Variants in DPYD observed in about 807,000 individuals in gnomAD.
DPYD encodes dihydropyrimidine dehydrogenase [NADP(+)].
Under a neutral mutation model 116.2 loss-of-function variants are expected in DPYD, and 109 were observed. The observed-to-expected ratio is 0.94, with a 90% CI of 0.80 to 1.10. DPYD has a LOEUF of 1.10. Ranked by LOEUF, DPYD falls within the 50% of genes least tolerant of loss-of-function variation. DPYD has a pLI of 0.00. For synonymous variants in DPYD, 440 were observed against 432.0 expected, an observed-to-expected ratio of 1.02 and a Z score of -0.23; for missense variants, 1,302 against 1,254.5, an observed-to-expected ratio of 1.04 and a Z score of -0.57.
In DPYD at chr1:97,331,659, G is replaced by A. The variant is rs190087086; in HGVS notation, c.2059-25362C>T. Among the ~76,000 whole-genome samples, 11 of 152,212 alleles carry A rather than the reference G, an allele frequency of 7.2e-5. 1 individual carries two copies. Among genetic ancestry groups the A allele is most frequent in the Admixed American group, 6.5e-4 (10 of 15,280 alleles). On this transcript the variant is annotated intron_variant, in intron 16 of 22. Coordinates refer to ENST00000370192, the MANE Select transcript of DPYD (RefSeq NM_000110.4). ...GAAAGAAAGACTAAAGAAGACTAGA[G>A]CTAATAAATTAAATTATTAATAACT...
chr1:97,122,828 A>G (rs773328228), intron 20 of DPYD, among the ~76,000 whole-genome samples: 1 of 152,030 alleles, frequency 6.6e-6, no homozygotes, highest in Non-Finnish European at 1.5e-5. Context: ...TTTTTCCTGA[A>G]TATTGACAAT....
intron 3 of DPYD, among the ~76,000 whole-genome samples, chr1:97,743,454 G>A (rs1160551364): frequency 1.3e-5 from 2 of 152,034 alleles, no homozygotes. Context: ...AATGCATACT[G>A]GTGAGATGTT....
chr1:97,708,205 G>C (rs566000502), intron 5 of DPYD, among the ~76,000 whole-genome samples: 1 of 152,030 alleles, frequency 6.6e-6, no homozygotes, highest in South Asian at 2.1e-4. Context: ...CTTTGATTTT[G>C]TACCTAAAAA....
At chr1:97,615,352 G>A (rs1656200253) in intron 8 of DPYD, among the ~76,000 whole-genome samples, 1 of 152,096 alleles carries the variant, frequency 6.6e-6, no homozygotes, top group South Asian at 2.1e-4. Flanking sequence ...CACTTACTAT[G>A]AGCTAGACAC....
chr1:97,336,674 C>T (rs1669299994), intron 16 of DPYD, among the ~76,000 whole-genome samples: 6 of 152,160 alleles, frequency 3.9e-5, no homozygotes, highest in Admixed American at 3.3e-4. Flanking sequence ...TGCTTGAACC[C>T]AGGAAGCAGA....
intron 1 of DPYD, among the ~76,000 whole-genome samples, chr1:97,904,375 T>C (rs759955139): frequency 2.6e-5 from 4 of 151,908 alleles, no homozygotes; most frequent in African/African-American, 9.7e-5. Flanking sequence ...GACCAGAATA[T>C]ACCTTCCCAA....
chr1:97,505,357 C>T (rs925703808), intron 13 of DPYD, among the ~76,000 whole-genome samples: 5 of 151,912 alleles, frequency 3.3e-5, no homozygotes, highest in Non-Finnish European at 7.4e-5. Flanking sequence ...CATTATGCTG[C>T]ATCTTACATA....
intron 8 of DPYD, among the ~76,000 whole-genome samples, chr1:97,624,857 G>C (rs1178254652): frequency 6.6e-6 from 1 of 151,968 alleles, no homozygotes; most frequent in Non-Finnish European, 1.5e-5. Flanking sequence ...AACAAGTCAA[G>C]CATAGAAATA....
At chr1:97,114,092 A>G (rs142309276) in intron 20 of DPYD, among the ~76,000 whole-genome samples, 2 of 152,224 alleles carry the variant, frequency 1.3e-5, no homozygotes, top group East Asian at 3.9e-4. Flanking sequence ...CACATTTTGG[A>G]TTATAAAACT....
intron 20 of DPYD, among the ~76,000 whole-genome samples, chr1:97,151,215 A>G (rs1654987260): frequency 6.6e-6 from 1 of 152,238 alleles, no homozygotes; most frequent in Non-Finnish European, 1.5e-5. Flanking sequence ...ATTTACATAT[A>G]CCTTACTGTA....
intron 3 of DPYD, among the ~76,000 whole-genome samples, chr1:97,747,610 A>G (rs563949921): frequency 6.6e-6 from 1 of 152,338 alleles, no homozygotes; most frequent in South Asian, 2.1e-4. Context: ...TATTTAGCAT[A>G]AGTCAGTCAG....
At chr1:97,567,921 T>C (rs1182558262) in intron 11 of DPYD, among the ~76,000 whole-genome samples, 2 of 152,052 alleles carry the variant, frequency 1.3e-5, no homozygotes, top group African/African-American at 4.8e-5. Context: ...ATGCACAACG[T>C]GTAGGTTTGT....
intron 7 of DPYD, among the ~76,000 whole-genome samples, chr1:97,685,680 C>T (rs1660686932): frequency 2.0e-5 from 3 of 152,082 alleles, no homozygotes; most frequent in African/African-American, 7.2e-5. Flanking sequence ...ACTAGCATTC[C>T]TATACACCAA....
intron 16 of DPYD, among the ~76,000 whole-genome samples, chr1:97,312,976 C>T (rs1439025593): frequency 6.6e-6 from 1 of 151,762 alleles, no homozygotes; most frequent in Non-Finnish European, 1.5e-5. Context: ...TGGGTTCTAC[C>T]CTTTTGGCAA....
chr1:97,808,679 C>T (rs1668200246), intron 3 of DPYD, among the ~76,000 whole-genome samples: 1 of 151,912 alleles, frequency 6.6e-6, no homozygotes, highest in Non-Finnish European at 1.5e-5. Flanking sequence ...CTGGTCAGAA[C>T]GAACATCCTT....
At chr1:97,351,144 C>A (rs1476001875) in intron 16 of DPYD, among the ~76,000 whole-genome samples, 1 of 152,090 alleles carries the variant, frequency 6.6e-6, no homozygotes, top group African/African-American at 2.4e-5. Context: ...TCTTTCAAAA[C>A]TTCATAGCTC....
At chr1:97,398,020 T>C (rs1478653984) in intron 14 of DPYD, among the ~76,000 whole-genome samples, 1 of 152,030 alleles carries the variant, frequency 6.6e-6, no homozygotes, top group Non-Finnish European at 1.5e-5. Flanking sequence ...TATGTATACA[T>C]GTGTCCATGT....
chr1:97,141,104 A>C (rs1654183548), intron 20 of DPYD, among the ~76,000 whole-genome samples: 1 of 152,096 alleles, frequency 6.6e-6, no homozygotes, highest in South Asian at 2.1e-4. Flanking sequence ...ATGGAATGGG[A>C]AGTACTGAAG....
At chr1:97,701,246 T>C (rs1298105276) in intron 5 of DPYD, among the ~76,000 whole-genome samples, 2 of 149,114 alleles carry the variant, frequency 1.3e-5, no homozygotes, top group Non-Finnish European at 3.0e-5. Flanking sequence ...AATATTACAC[T>C]TTAAGGCAAG....
Sources: allele counts gnomAD v4.1 joint callset (sites outside exome capture counted in the v4.1 genomes callset), GRCh38; gene constraint gnomAD v4.1.1; transcripts MANE v1.5; gene names NCBI Gene and HGNC (gene_info 2026-07-23, HGNC 2026-07-21).